The following TTLL5 variants were observed in gnomAD, a reference collection of about 807,000 sequenced individuals.
The protein encoded by TTLL5 is tubulin tyrosine ligase like 5, also known as tubulin polyglutamylase TTLL5.
TTLL5 carries 132 observed loss-of-function variants against 168.4 expected under a neutral mutation model. The observed-to-expected ratio is 0.78, with a 90% CI of 0.68 to 0.91. The LOEUF (loss-of-function observed/expected upper bound fraction) is 0.91, where lower values mean the gene tolerates loss of function less well. TTLL5 is among the 40% of genes least tolerant of loss of function. TTLL5 has a pLI of 0.00. For missense variants in TTLL5, 1,545 were observed against 1,581.5 expected, an observed-to-expected ratio of 0.98 and a Z score of 0.39; for synonymous variants, 546 against 558.6, an observed-to-expected ratio of 0.98 and a Z score of 0.32.
At chr14:75,954,185 G>A (rs996296733) in intron 31 of TTLL5, among the ~76,000 whole-genome samples, 2 of 150,686 alleles carry the variant, frequency 1.3e-5, no homozygotes, top group Admixed American at 6.6e-5. Context: ...CCCGGGAGGC[G>A]GAGCTTGCAG....
intron 2 of TTLL5, among the ~76,000 whole-genome samples, chr14:75,667,284 G>T (rs2140084885): frequency 6.6e-6 from 1 of 152,344 alleles, no homozygotes; most frequent in East Asian, 1.9e-4. Flanking sequence ...AGGCATAGTG[G>T]TGCCAGCTGG....
Position 75,783,370 on chromosome 14 carries a change from T to C in TTLL5, c.2826T>C (p.Ser942=). The part of the protein sequence containing the change: ...PTILLNTVSA[S]ASPCLHPGAQ... ...TTTTACTGAACACAGTCTCTGCCAGTGCTTCTCCCTGCCTACATCCCGGGG... is the reference window on the plus strand; with the variant it reads ...TTTTACTGAACACAGTCTCTGCCAGCGCTTCTCCCTGCCTACATCCCGGGG... Residue 942 remains serine (S), a synonymous_variant, in exon 26 of 32, where the codon AGT becomes AGC. Coordinates refer to ENST00000298832, the MANE Select transcript of TTLL5 (RefSeq NM_015072.5). The C allele has an allele frequency of 6.2e-7, 1 of 1,614,200 alleles. No homozygotes were observed. The highest frequency in any genetic ancestry group is 8.5e-7 in the Non-Finnish European group (1 of 1,180,026).
At chr14:75,880,046 C>T (rs2031717139) in intron 29 of TTLL5, among the ~76,000 whole-genome samples, 1 of 151,958 alleles carries the variant, frequency 6.6e-6, no homozygotes, top group Admixed American at 6.6e-5. Flanking sequence ...AGTTAGTCTC[C>T]CTCCTGCCTT....
intron 4 of TTLL5, among the ~76,000 whole-genome samples, chr14:75,682,961 CAG>C (rs374208548): frequency 1.5e-4 from 23 of 152,060 alleles, no homozygotes; most frequent in African/African-American, 5.1e-4. Context: ...TTTATAGAGA[CAG>C]GGTCTTAATA....
Position 75,663,917 on chromosome 14 carries a change from C to G in TTLL5, c.74+694C>G, listed in dbSNP as rs562314143. Among the ~76,000 whole-genome samples, 48 of 152,124 alleles carry G rather than the reference C, an allele frequency of 3.2e-4. 1 individual carries two copies. The highest frequency in any genetic ancestry group is 3.4e-3 in the Middle Eastern group (1 of 294). ...TGGCCAACATGGTGAAACCCCATCT[C>G]TACTAAAAAAACAGAAATTAGCTGG... On this transcript the variant is annotated intron_variant, in intron 2 of 31. Coordinates refer to ENST00000298832, the MANE Select transcript of TTLL5 (RefSeq NM_015072.5).
At chr14:75,707,564 T>C in intron 8 of TTLL5, 59 bp from the exon 9 acceptor site, 1 of 1,495,730 alleles carries the variant, frequency 6.7e-7, no homozygotes. Context: ...TTGTTTATTC[T>C]GTAACAGGAA....
At chr14:75,793,136 A>G in intron 27 of TTLL5, 36 bp downstream of exon 27, 1 of 1,500,748 alleles carries the variant, frequency 6.7e-7, no homozygotes, top group Non-Finnish European at 9.0e-7. Flanking sequence ...AGCTCTTTGG[A>G]CCTGAGGATA....
intron 3 of TTLL5, among the ~76,000 whole-genome samples, chr14:75,679,805 A>G (rs1387097106): frequency 6.6e-6 from 1 of 152,256 alleles, no homozygotes; most frequent in Non-Finnish European, 1.5e-5. Context: ...AAGACAAAGT[A>G]ATAGTGACTG....
intron 12 of TTLL5, among the ~76,000 whole-genome samples, chr14:75,724,763 A>G (rs1294577804): frequency 1.3e-5 from 2 of 152,094 alleles, no homozygotes; most frequent in Non-Finnish European, 2.9e-5. Flanking sequence ...ATTTTTTACA[A>G]TCTAATTTTT....
At chr14:75,679,436 C>T (rs1006754798) in intron 3 of TTLL5, among the ~76,000 whole-genome samples, 2 of 152,216 alleles carry the variant, frequency 1.3e-5, no homozygotes, top group Non-Finnish European at 2.9e-5. Context: ...TGGTTTTAGC[C>T]TGGTGAGACC....
At chr14:75,809,386 A>C (rs1310184521) in intron 27 of TTLL5, among the ~76,000 whole-genome samples, 1 of 152,152 alleles carries the variant, frequency 6.6e-6, no homozygotes, top group African/African-American at 2.4e-5. Context: ...TATATATTTC[A>C]GTGATAGCCC....
In TTLL5 at chr14:75,778,743, T is replaced by C. The variant is rs1327731926; in HGVS notation, c.2388-832T>C. On this transcript the variant is annotated intron_variant, in intron 23 of 31. Coordinates refer to ENST00000298832, the MANE Select transcript of TTLL5 (RefSeq NM_015072.5). ...GGCCATTGAGAAGCTGCTACAGATG[T>C]TAAAGTCCATGTGTGATATGTTCAA... Among the ~76,000 whole-genome samples, 6 of 152,320 alleles carry C rather than the reference T, an allele frequency of 3.9e-5. No homozygotes were observed. The East Asian group carries it at 5.8e-4, about 15-fold the overall frequency.
chr14:75,793,104 C>T lies in TTLL5; in HGVS notation c.3171+4C>T, dbSNP rs772779382. The T allele has an allele frequency of 8.1e-6, 13 of 1,604,726 alleles. No individual in the cohort carries two copies. Among genetic ancestry groups the T allele is most frequent in the Admixed American group, 5.0e-5 (3 of 59,576 alleles). ...CATCAACCTCCTCACCCAACAGGTACGGATGGTCTGGGGTGTCCAAGAGCT... is the reference window on the plus strand; with the variant it reads ...CATCAACCTCCTCACCCAACAGGTATGGATGGTCTGGGGTGTCCAAGAGCT... On this transcript the variant is annotated splice_donor_region_variant and intron_variant, in intron 27 of 31. Coordinates refer to ENST00000298832, the MANE Select transcript of TTLL5 (RefSeq NM_015072.5).
intron 7 of TTLL5, among the ~76,000 whole-genome samples, chr14:75,702,123 T>C (rs1886315192): frequency 6.6e-6 from 1 of 152,242 alleles, no homozygotes; most frequent in African/African-American, 2.4e-5. Context: ...GCCAGACCCT[T>C]CATGCCAAAG....
intron 28 of TTLL5, among the ~76,000 whole-genome samples, chr14:75,824,616 C>T (rs175886): frequency 0.9 from 136,249 of 152,150 alleles, 61,168 homozygotes; most frequent in African/African-American, 0.95. Flanking sequence ...AGAGTTTCAG[C>T]TGTGAAAGAT....
In TTLL5 at chr14:75,863,912, A is replaced by T. The variant is rs757200188; in HGVS notation, c.3522+50A>T. The T allele has an allele frequency of 7.5e-5, 70 of 930,866 alleles. No individual in the cohort carries two copies. In the African/African-American group the frequency reaches 2.1e-3, roughly 28 times the overall value. The allele number at this position is 930,866 out of a possible 1,614,324, so 57.7% of individuals were successfully genotyped here. A position where few individuals can be genotyped will look rare whatever the true frequency, so the allele number is the denominator to read the frequency against. On this transcript the variant is annotated intron_variant, in intron 29 of 31. Coordinates refer to ENST00000298832, the MANE Select transcript of TTLL5 (RefSeq NM_015072.5). Reference sequence around the variant, plus strand: ...TGTGTTATATCTTCCTGCTGTTGGTAAAAAAAAAAAAAAAAAAAAAAAGGT... The same window carrying T: ...TGTGTTATATCTTCCTGCTGTTGGTTAAAAAAAAAAAAAAAAAAAAAAGGT...
chr14:75,888,983 C>T (rs1003508112), intron 30 of TTLL5, among the ~76,000 whole-genome samples: 4 of 149,922 alleles, frequency 2.7e-5, no homozygotes, highest in African/African-American at 7.4e-5. Context: ...GGCTTCTAAC[C>T]TCTGGAATGA....
intron 24 of TTLL5, among the ~76,000 whole-genome samples, chr14:75,782,217 G>A (rs1892101713): frequency 6.6e-6 from 1 of 151,960 alleles, no homozygotes. Flanking sequence ...TAGCTTGTTG[G>A]CTGTCCGTGG....
rs117682538 is a variant in TTLL5, at chr14:75,708,678, A to G, written c.740+971A>G. Among the ~76,000 whole-genome samples the G allele has an allele frequency of 1.6e-3, 248 of 152,256 alleles. 12 individuals carry two copies. The East Asian group carries it at 0.033, about 20-fold the overall frequency. On this transcript the variant is annotated intron_variant, in intron 9 of 31. Transcript: ENST00000298832. The stretch of plus-strand genomic sequence containing the variant: ...AATGTGACTTACAAGATTAAGTTCA[A>G]GTTGTTATATTTTGAAGTTTTGTTT...
Sources: gnomAD v4.1 joint callset for allele counts (sites outside exome capture counted in the v4.1 genomes callset) on GRCh38, gnomAD v4.1.1 for gene constraint, MANE v1.5 for transcripts, NCBI Gene and HGNC (gene_info 2026-07-23, HGNC 2026-07-21) for gene names.